KCNQ1: variants seen among roughly 807,000 people sequenced by gnomAD.
The protein encoded by KCNQ1 is potassium voltage-gated channel subfamily Q member 1.
Under a neutral mutation model 72.4 loss-of-function variants are expected in KCNQ1, and 49 were observed. The ratio of observed to expected loss-of-function variants is 0.68; its 90% confidence interval spans 0.54 to 0.86. The LOEUF (loss-of-function observed/expected upper bound fraction) is 0.86, where lower values mean the gene tolerates loss of function less well. Among genes scored for constraint, KCNQ1 ranks in the 40% least tolerant of loss-of-function variants. The pLI, the probability that KCNQ1 is intolerant of heterozygous loss-of-function variation, is 0.00. For missense variants in KCNQ1, 790 were observed against 945.1 expected (o/e 0.84, Z 2.15); for synonymous variants, 450 against 412.6 (o/e 1.09, Z -1.10).
At chr11:2,716,524 G>A (rs754705807) in intron 11 of KCNQ1, among the ~76,000 whole-genome samples, 5 of 152,242 alleles carry the variant, frequency 3.3e-5, no homozygotes, top group Non-Finnish European at 5.9e-5. Flanking sequence ...CTTCCCAGGC[G>A]TGTGCTTCCC....
Position 2,811,589 on chromosome 11 carries a change from T to A in KCNQ1, c.1794+33552T>A, listed in dbSNP as rs369201319. Among the ~76,000 whole-genome samples the A allele has an allele frequency of 3.0e-3, 461 of 152,172 alleles. 4 individuals carry two copies. The highest frequency in any genetic ancestry group is 0.011 in the African/African-American group (449 of 41,512). On this transcript the variant is annotated intron_variant, in intron 15 of 15. Transcript: ENST00000155840. ...GCGGGGCCCTTGCCGAGCGTCAGGGTGGCTGGCAGCCACCTTCTGTGATCG... is the reference window on the plus strand; with the variant it reads ...GCGGGGCCCTTGCCGAGCGTCAGGGAGGCTGGCAGCCACCTTCTGTGATCG...
rs1475375092 is a variant in KCNQ1 at position 2,813,119 on chromosome 11, C to T, written c.1795-34648C>T. ...TGAGAACCCTGTGCCTAGAACGGAG[C>T]CTGGTACAGAGGAAGAACCCGACAG... On this transcript the variant is annotated intron_variant, in intron 15 of 15. Coordinates refer to ENST00000155840, the MANE Select transcript of KCNQ1 (RefSeq NM_000218.3). This position sits in a 1 kb window ranked among gnomAD's most constrained non-coding sequence, Gnocchi z 4.4. Among the ~76,000 whole-genome samples, 1 of 152,238 alleles carries T rather than the reference C, an allele frequency of 6.6e-6. No individual in the cohort carries two copies. Among genetic ancestry groups the T allele is most frequent in the Non-Finnish European group, 1.5e-5 (1 of 68,046 alleles).
chr11:2,731,448 G>A (rs1845857493), intron 11 of KCNQ1, among the ~76,000 whole-genome samples: 1 of 152,194 alleles, frequency 6.6e-6, no homozygotes, highest in African/African-American at 2.4e-5. Flanking sequence ...ACTGCAGGCC[G>A]CCCACCACAC....
chr11:2,673,749 AC>A lies in KCNQ1; in HGVS notation c.1514+11669del. 2.5e-6 allele frequency: 1 copy of A among 398,584 alleles called. No homozygotes were observed. Among genetic ancestry groups the A allele is most frequent in the East Asian group, 3.6e-5 (1 of 27,964 alleles). 24.7% of individuals were successfully genotyped at this position (398,584 alleles called of 1,614,324 possible). A position where few individuals can be genotyped will look rare whatever the true frequency, so the allele number is the denominator to read the frequency against. ...GCCCAGACTGGACAGGGGAAGGGGT[AC>A]AGTCCCTTCTTGCTGGTATGTTGGG... On this transcript the variant is annotated intron_variant, in intron 11 of 15. Transcript: ENST00000155840. The surrounding 1 kb of genome is among the most constrained non-coding windows in gnomAD (Gnocchi z 4.5).
intron 15 of KCNQ1, among the ~76,000 whole-genome samples, chr11:2,832,490 C>A (rs1847972655): frequency 6.6e-6 from 1 of 152,208 alleles, no homozygotes; most frequent in African/African-American, 2.4e-5. Context: ...TCTGCGACTC[C>A]ACAACTCACC....
chr11:2,702,224 G>C (rs1850827567), intron 11 of KCNQ1, among the ~76,000 whole-genome samples: 1 of 152,216 alleles, frequency 6.6e-6, no homozygotes, highest in Admixed American at 6.5e-5. Context: ...CTCATGTGGG[G>C]TTTACATTCT....
intron 1 of KCNQ1, among the ~76,000 whole-genome samples, chr11:2,518,402 G>A (rs538947111): frequency 2.0e-5 from 3 of 152,230 alleles, no homozygotes; most frequent in South Asian, 4.1e-4. Flanking sequence ...GGGACCAGGG[G>A]AGTGGGCTGC....
intron 15 of KCNQ1, among the ~76,000 whole-genome samples, chr11:2,837,440 C>T (rs1190357392): frequency 6.6e-6 from 1 of 152,230 alleles, no homozygotes; most frequent in Non-Finnish European, 1.5e-5. Flanking sequence ...AGCCCCCAGG[C>T]TGCACTGTGC....
chr11:2,793,538 C>T (rs1182883571), intron 15 of KCNQ1, among the ~76,000 whole-genome samples: 1 of 152,202 alleles, frequency 6.6e-6, no homozygotes, highest in Non-Finnish European at 1.5e-5. Context: ...TTAGAAGAAT[C>T]GCTTGAGCCC....
chr11:2,487,773 A>G (rs957388410), intron 1 of KCNQ1, among the ~76,000 whole-genome samples: 33 of 152,152 alleles, frequency 2.2e-4, no homozygotes, highest in Admixed American at 2.2e-3. Context: ...TGGAATCTTT[A>G]GGGGTTTCTA....
chr11:2,588,686 G>A lies in KCNQ1; in HGVS notation c.1252-27G>A, dbSNP rs202036675. ...GCCTGGCAGACGATGTCCAGGAACC[G>A]CTAATCTGTTGTCTTGTTTTTTTTA... is the stretch of plus-strand genomic sequence containing the variant. On this transcript the variant is annotated intron_variant, in intron 9 of 15. Coordinates refer to ENST00000155840, the MANE Select transcript of KCNQ1 (RefSeq NM_000218.3). The surrounding 1 kb of genome is among the most constrained non-coding windows in gnomAD (Gnocchi z 5.6). The A allele has an allele frequency of 1.4e-5, 22 of 1,612,300 alleles. No homozygotes were observed. The highest frequency in any genetic ancestry group is 1.1e-4 in the African/African-American group (8 of 75,016).
chr11:2,609,165 A>G (rs1848933494), intron 10 of KCNQ1: 6 of 398,164 alleles, frequency 1.5e-5, no homozygotes, highest in Admixed American at 4.4e-5. Context: ...ATTCATAGCT[A>G]TAAAATTCCA....
rs1470266851 is a variant in KCNQ1, at chr11:2,613,502, A to T, written c.1393+24648A>T. Reference sequence around the variant, plus strand: ...GGTCCTCAAGCCTACCGTGCCCCTGAGCTTGGGTGGGGAGATGGCAGCCCC... The same window carrying T: ...GGTCCTCAAGCCTACCGTGCCCCTGTGCTTGGGTGGGGAGATGGCAGCCCC... On this transcript the variant is annotated intron_variant, in intron 10 of 15. Coordinates refer to ENST00000155840, the MANE Select transcript of KCNQ1 (RefSeq NM_000218.3). This position sits in a 1 kb window ranked among gnomAD's most constrained non-coding sequence, Gnocchi z 4.8. 2 of 398,378 alleles carry T rather than the reference A, an allele frequency of 5.0e-6. No homozygotes were observed. Among genetic ancestry groups the T allele is most frequent in the Non-Finnish European group, 8.8e-6 (2 of 226,044 alleles). The allele number at this position is 398,378 out of a possible 1,614,324, so 24.7% of individuals were successfully genotyped here.
intron 11 of KCNQ1, among the ~76,000 whole-genome samples, chr11:2,741,183 AG>A (rs554737009): frequency 2.9e-4 from 44 of 152,236 alleles, no homozygotes; most frequent in Admixed American, 2.5e-3. Flanking sequence ...AGAGTGTCTC[AG>A]GGTGGCCTCA....
At chr11:2,837,406 C>T (rs74046911) in intron 15 of KCNQ1, among the ~76,000 whole-genome samples, 12,285 of 152,136 alleles carry the variant, frequency 0.081, 990 homozygotes, top group East Asian at 0.34. Flanking sequence ...TCACAGCCTC[C>T]GTTCCCAGAC....
intron 11 of KCNQ1, chr11:2,696,904 A>T (rs180994362): frequency 4.0e-5 from 16 of 398,464 alleles, no homozygotes; most frequent in Admixed American, 8.8e-5. Context: ...TGTTTTGAGT[A>T]CACTGATCTT....
At position 2,751,896 on chromosome 11, in the gene KCNQ1, C is replaced by T. The variant is rs140424028; in HGVS notation, c.1515-16948C>T. Among the ~76,000 whole-genome samples the T allele has an allele frequency of 3.9e-5, 6 of 152,352 alleles. No homozygotes were observed. In the East Asian group the frequency reaches 1.2e-3, roughly 29 times the overall value. On this transcript the variant is annotated intron_variant, in intron 11 of 15. Transcript: ENST00000155840. ...CAGCTTTGCCCTATTCCCCCCATAG[C>T]ATGGCTGACCTTCCTCTGAGCCCCT...
rs1847616237 is a variant in KCNQ1 at position 2,816,477 on chromosome 11, T to TG, written c.1795-31288dup. 6.6e-6 allele frequency among the ~76,000 whole-genome samples: 1 copy of TG among 152,178 alleles called. No homozygotes were observed. The highest frequency in any genetic ancestry group is 6.5e-5 in the Admixed American group (1 of 15,280). On this transcript the variant is annotated intron_variant, in intron 15 of 15. Transcript: ENST00000155840. The surrounding 1 kb of genome is among the most constrained non-coding windows in gnomAD (Gnocchi z 6.8). The stretch of plus-strand genomic sequence containing the variant: ...GCAGTAACACCCTTGGGACTGAGAA[T>TG]GGCTTCTGGGTTGTGCGTCATCGCT...
chr11:2,583,695 C>T (rs1482940792), intron 7 of KCNQ1, 150 bp downstream of exon 7: 2 of 703,196 alleles, frequency 2.8e-6, no homozygotes, highest in African/African-American at 1.8e-5. Flanking sequence ...AGAGCCCCAC[C>T]TGCCCTCCCT....
Sources: gnomAD v4.1 joint callset for allele counts (sites outside exome capture counted in the v4.1 genomes callset) on GRCh38, gnomAD v4.1.1 for gene constraint, Gnocchi (gnomAD v3.1) non-coding constraint, MANE v1.5 for transcripts, NCBI Gene and HGNC (gene_info 2026-07-23, HGNC 2026-07-21) for gene names.